Variants in SPAG1 observed in about 807,000 individuals in gnomAD.
SPAG1 encodes the protein sperm associated antigen 1.
In SPAG1, 69 loss-of-function variants were observed where a neutral mutation model predicts 100.5. The ratio of observed to expected loss-of-function variants is 0.69; its 90% confidence interval spans 0.57 to 0.84. SPAG1 has a LOEUF of 0.84. Among genes scored for constraint, SPAG1 ranks in the 40% least tolerant of loss-of-function variants. The pLI, the probability that SPAG1 is intolerant of heterozygous loss-of-function variation, is 0.00. For missense variants in SPAG1, 955 were observed against 1,133.1 expected (o/e 0.84, Z 2.26); for synonymous variants, 336 against 411.6 (o/e 0.82, Z 2.22).
chr8:100,239,509 T>C lies in SPAG1; in HGVS notation c.2280+105T>C, dbSNP rs1819160096. ...TAAAACATTTTTAATTTTGTGTTTT[T>C]ATTCTGATGATCAGTGACAAAATTT... On this transcript the variant is annotated intron_variant, in intron 17 of 18. Coordinates refer to ENST00000388798, the MANE Select transcript of SPAG1 (RefSeq NM_003114.5). This position sits in a 1 kb window ranked among gnomAD's most constrained non-coding sequence, Gnocchi z 5.0. 6 of 752,680 alleles carry C rather than the reference T, an allele frequency of 8.0e-6. No homozygotes were observed. The highest frequency in any genetic ancestry group is 5.7e-5 in the Admixed American group (2 of 35,368). 46.6% of individuals were successfully genotyped at this position (752,680 alleles called of 1,614,324 possible).
chr8:100,240,651 C>T lies in SPAG1; in HGVS notation c.2529C>T (p.Asn843=), dbSNP rs536210810. 167 of 1,614,138 alleles carry T rather than the reference C, an allele frequency of 1.0e-4. 2 individuals are homozygous for T. In the South Asian group the frequency reaches 1.7e-3, roughly 16 times the overall value. The stretch of plus-strand genomic sequence containing the variant: ...AAGATTTGCCGATGTTTTTAAGTAA[C>T]AAACTTGAAGGGGATACATTCCTTC... The part of the protein sequence containing the change: ...APKDLPMFLS[N]KLEGDTFLLL... Residue 843 remains asparagine (N), a synonymous_variant, in exon 18 of 19, where the codon AAC becomes AAT. Transcript: ENST00000388798.
intron 3 of SPAG1, among the ~76,000 whole-genome samples, chr8:100,175,311 G>T (rs1459387361): frequency 2.1e-5 from 3 of 143,798 alleles, no homozygotes; most frequent in Non-Finnish European, 4.5e-5. Context: ...TTGAGATAGA[G>T]TCTTGGTCTG....
At chr8:100,186,266 T>C (rs1399757585) in intron 7 of SPAG1, among the ~76,000 whole-genome samples, 2 of 152,080 alleles carry the variant, frequency 1.3e-5, no homozygotes, top group Non-Finnish European at 2.9e-5. Context: ...AGACAGGCTC[T>C]CATGATGTTG....
At chr8:100,240,824 A>C (rs569489484) in intron 18 of SPAG1, 53 bp downstream of exon 18, 3 of 1,567,978 alleles carry the variant, frequency 1.9e-6, no homozygotes, top group African/African-American at 2.8e-5. Flanking sequence ...GGGTTTCTGT[A>C]ACTTAAAAAT....
At chr8:100,222,986 T>C (rs1818351084) in intron 13 of SPAG1, among the ~76,000 whole-genome samples, 1 of 152,226 alleles carries the variant, frequency 6.6e-6, no homozygotes, top group Non-Finnish European at 1.5e-5. Context: ...CGGGTTTATC[T>C]GTTCTGATGT....
intron 15 of SPAG1, among the ~76,000 whole-genome samples, chr8:100,232,775 C>T (rs1207777352): frequency 2.6e-5 from 4 of 152,312 alleles, no homozygotes; most frequent in Middle Eastern, 3.4e-3. Context: ...ATCGGACTTC[C>T]ATTAAGCTCA....
intron 3 of SPAG1, among the ~76,000 whole-genome samples, chr8:100,169,473 C>T (rs563958339): frequency 6.6e-6 from 1 of 152,232 alleles, no homozygotes; most frequent in African/African-American, 2.4e-5. Flanking sequence ...AGCACAGTGG[C>T]TCACGCCTAT....
chr8:100,210,191 GT>G (rs199845523), intron 10 of SPAG1, among the ~76,000 whole-genome samples: 24,164 of 142,464 alleles, frequency 0.17, 2,285 homozygotes, highest in South Asian at 0.24. Context: ...AGTTTTCTGA[GT>G]TTTTTTTTTT....
intron 14 of SPAG1, among the ~76,000 whole-genome samples, chr8:100,226,638 G>A (rs1818526374): frequency 1.3e-5 from 2 of 152,076 alleles, no homozygotes; most frequent in Non-Finnish European, 1.5e-5. Flanking sequence ...GGAAGGTTGA[G>A]GCTGCAGTGA....
chr8:100,162,136 C>T (rs1273217003), intron 1 of SPAG1, 143 bp from the exon 2 acceptor site: 1 of 606,878 alleles, frequency 1.6e-6, no homozygotes, highest in Non-Finnish European at 2.8e-6. Flanking sequence ...AGAGACCAGC[C>T]TGGGCAACAT....
chr8:100,198,090 C>T (rs1001214135), intron 10 of SPAG1, among the ~76,000 whole-genome samples: 5 of 152,114 alleles, frequency 3.3e-5, no homozygotes, highest in African/African-American at 7.2e-5. Context: ...CTTACAGAGA[C>T]GCAATCAGAG....
intron 6 of SPAG1, 115 bp downstream of exon 6, chr8:100,184,177 T>C (rs547514530): frequency 2.1e-6 from 1 of 473,008 alleles, no homozygotes; most frequent in African/African-American, 2.0e-5. Context: ...ATGAAAAGTT[T>C]ATGGATTTTC....
At chr8:100,166,039 T>A (rs1032622793) in intron 3 of SPAG1, 66 bp downstream of exon 3, 1 of 1,388,028 alleles carries the variant, frequency 7.2e-7, no homozygotes, top group African/African-American at 1.5e-5. Flanking sequence ...ACTTCACTTA[T>A]CGGAAATCCT....
At chr8:100,211,651 T>C (rs1210355910) in intron 10 of SPAG1, among the ~76,000 whole-genome samples, 3 of 152,226 alleles carry the variant, frequency 2.0e-5, no homozygotes, top group African/African-American at 7.2e-5. Context: ...AGCAAGACCC[T>C]GTGTCAAAAT....
At chr8:100,179,063 C>CAAA (rs34312235) in intron 4 of SPAG1, among the ~76,000 whole-genome samples, 4 of 112,066 alleles carry the variant, frequency 3.6e-5, no homozygotes, top group South Asian at 6.0e-4. Flanking sequence ...TCCTCTGTCT[C>CAAA]AAAAAAAAAA....
rs1034034879 is a variant in SPAG1, at chr8:100,213,252, G to C, written c.1259G>C (p.Arg420Pro). Residue 420 changes from arginine (R) to proline (P), a missense_variant, in exon 11 of 19, where the codon CGG becomes CCG. Transcript: ENST00000388798. The part of the protein sequence containing the change: ...PEAGADKRSP[R>P]RASAAAAAGG... ...GCCGGCGCGGACAAGCGGAGCCCAC[G>C]GCGGGCCTCTGCGGCGGCGGCGGCG... The C allele has an allele frequency of 1.8e-5, 22 of 1,230,718 alleles. No homozygotes were observed. Among genetic ancestry groups the C allele is most frequent in the Non-Finnish European group, 1.8e-5 (18 of 990,026 alleles). The allele number at this position is 1,230,718 out of a possible 1,614,324, so 76.2% of individuals were successfully genotyped here.
chr8:100,178,035 G>A (rs2132241565), intron 4 of SPAG1, 94 bp downstream of exon 4: 2 of 1,002,338 alleles, frequency 2.0e-6, no homozygotes, highest in East Asian at 2.4e-5. Flanking sequence ...CAGCCTATGT[G>A]TGATGTCCTC....
rs191525291 is a variant in SPAG1 at position 100,224,491 on chromosome 8, G to A, written c.1689-682G>A. Among the ~76,000 whole-genome samples, 247 of 152,266 alleles carry A rather than the reference G, an allele frequency of 1.6e-3. 1 individual carries two copies. Among genetic ancestry groups the A allele is most frequent in the African/African-American group, 5.6e-3 (234 of 41,548 alleles). ...CGGGAGGCAGAGGTTGCAGTGAACC[G>A]AGGTCGCATCACTGCACTCCAGCCT... On this transcript the variant is annotated intron_variant, in intron 13 of 18. Transcript: ENST00000388798.
intron 3 of SPAG1, among the ~76,000 whole-genome samples, chr8:100,173,029 ACTTC>A (rs1234255017): frequency 2.2e-3 from 206 of 94,226 alleles, no homozygotes; most frequent in African/African-American, 7.4e-3. Context: ...CTTCTTGACC[ACTTC>A]TTTTTTTTTT....
Sources: gnomAD v4.1 joint callset for allele counts (sites outside exome capture counted in the v4.1 genomes callset) on GRCh38, gnomAD v4.1.1 for gene constraint, Gnocchi (gnomAD v3.1) non-coding constraint, MANE v1.5 for transcripts, NCBI Gene and HGNC (gene_info 2026-07-23, HGNC 2026-07-21) for gene names.